ASH1L: variants seen among roughly 807,000 people sequenced by gnomAD.
ASH1L encodes ASH1 like histone lysine methyltransferase.
ASH1L carries 23 observed loss-of-function variants against 269.0 expected under a neutral mutation model. The ratio of observed to expected loss-of-function variants is 0.09; its 90% CI spans 0.06 to 0.12. ASH1L has a LOEUF of 0.12. Ranked by LOEUF, ASH1L falls within the 10% of genes least tolerant of loss-of-function variation. The probability of loss-of-function intolerance (pLI) is 1.00; values close to 1 mark genes in which losing one functional copy is unlikely to be tolerated. For synonymous variants in ASH1L, 1,187 were observed against 1,253.5 expected (o/e 0.95, Z 1.12); for missense variants, 2,912 against 3,567.8 (o/e 0.82, Z 4.68).
intron 5 of ASH1L, among the ~76,000 whole-genome samples, chr1:155,429,429 C>T (rs1163099569): frequency 6.6e-6 from 1 of 152,094 alleles, no homozygotes; most frequent in African/African-American, 2.4e-5. Flanking sequence ...TGTGCTACCA[C>T]AACTGGCTAA....
intron 24 of ASH1L, chr1:155,342,917 T>C (rs1025152104): frequency 1.9e-5 from 3 of 158,408 alleles, no homozygotes; most frequent in African/African-American, 7.2e-5. Flanking sequence ...TGAAGTTTCA[T>C]AGCTAGCCTT....
At chr1:155,483,489 C>T (rs1004005931) in intron 2 of ASH1L, among the ~76,000 whole-genome samples, 3 of 151,930 alleles carry the variant, frequency 2.0e-5, no homozygotes, top group African/African-American at 7.2e-5. Context: ...AATGAAAAGA[C>T]AAACAAACCA....
Position 155,361,518 on chromosome 1 carries a change from C to CAA in ASH1L, c.6687-1111_6687-1110dup, listed in dbSNP as rs1161207568. On this transcript the variant is annotated intron_variant, in intron 12 of 27. Coordinates refer to ENST00000392403, the MANE Select transcript of ASH1L (RefSeq NM_018489.3). ...GGTGACAGAGTGAGACTCCATCTCA[C>CAA]AAAAAAAAAAAAAAAAAAAAAAAAA... Among the ~76,000 whole-genome samples the CAA allele has an allele frequency of 2.5e-3, 90 of 36,404 alleles. 3 individuals are homozygous for CAA. The highest frequency in any genetic ancestry group is 7.0e-3 in the African/African-American group (54 of 7,680). 23.9% of individuals were successfully genotyped at this position (36,404 alleles called of 152,430 possible).
rs541830197 is a variant in ASH1L at position 155,336,168 on chromosome 1, A to G, written c.*1492T>C. 15 of 152,666 alleles carry G rather than the reference A, an allele frequency of 9.8e-5. No homozygotes were observed. Among genetic ancestry groups the G allele is most frequent in the East Asian group, 1.9e-4 (1 of 5,314 alleles). 9.5% of individuals were successfully genotyped at this position (152,666 alleles called of 1,614,324 possible). Reference sequence around the variant, plus strand: ...CAAGAATGACACAGAAAGGGGAAAAAGGAAAAAATATTTAATGGAATGGAA... The same window carrying G: ...CAAGAATGACACAGAAAGGGGAAAAGGGAAAAAATATTTAATGGAATGGAA... On this transcript the variant is annotated 3_prime_UTR_variant, in exon 28 of 28. Transcript: ENST00000392403.
intron 10 of ASH1L, among the ~76,000 whole-genome samples, chr1:155,374,081 C>A (rs1656216193): frequency 6.6e-6 from 1 of 152,156 alleles, no homozygotes; most frequent in Admixed American, 6.5e-5. Flanking sequence ...GTAATCCCAG[C>A]ACTTTGGGGG....
At chr1:155,359,094 T>C (rs1445515085) in intron 13 of ASH1L, among the ~76,000 whole-genome samples, 1 of 152,148 alleles carries the variant, frequency 6.6e-6, no homozygotes, top group Non-Finnish European at 1.5e-5. Context: ...CATTCTAGTG[T>C]GGGCCACAGA....
intron 16 of ASH1L, among the ~76,000 whole-genome samples, chr1:155,353,915 C>T (rs77148762): frequency 0.01 from 1,587 of 152,266 alleles, 32 homozygotes; most frequent in African/African-American, 0.036. Flanking sequence ...ACAAAGAGGG[C>T]CCACTATCTA....
intron 1 of ASH1L, among the ~76,000 whole-genome samples, chr1:155,533,421 G>A (rs1669824107): frequency 6.6e-6 from 1 of 151,872 alleles, no homozygotes; most frequent in African/African-American, 2.4e-5. Flanking sequence ...GCCTCCCAAA[G>A]ATCATCTTTA....
At chr1:155,357,212 G>T in intron 15 of ASH1L, 104 bp downstream of exon 15, 1 of 677,442 alleles carries the variant, frequency 1.5e-6, no homozygotes, top group Non-Finnish European at 2.3e-6. Context: ...TTTGGCTTAA[G>T]ACAAAAGAAA....
intron 7 of ASH1L, among the ~76,000 whole-genome samples, chr1:155,382,909 G>C (rs997960053): frequency 1.3e-5 from 2 of 152,034 alleles, no homozygotes; most frequent in Admixed American, 1.3e-4. Context: ...ATTTTTTGTA[G>C]ACAGGGTCTT....
chr1:155,415,629 A>T, intron 6 of ASH1L, 115 bp downstream of exon 6: 1 of 1,257,974 alleles, frequency 7.9e-7, no homozygotes, highest in African/African-American at 1.5e-5. Flanking sequence ...GAGTGCAAAA[A>T]CACAATCATC....
intron 5 of ASH1L, among the ~76,000 whole-genome samples, chr1:155,436,891 T>G (rs1016840234): frequency 6.6e-6 from 1 of 152,208 alleles, no homozygotes; most frequent in Non-Finnish European, 1.5e-5. Flanking sequence ...TTCATTCTTT[T>G]GCATGCAGAT....
chr1:155,486,855 TAA>T (rs869311765), intron 2 of ASH1L, among the ~76,000 whole-genome samples: 4 of 140,540 alleles, frequency 2.8e-5, no homozygotes, highest in Non-Finnish European at 3.1e-5. Context: ...TATTACAGTT[TAA>T]AAAAAAAAAA....
intron 5 of ASH1L, among the ~76,000 whole-genome samples, chr1:155,420,847 T>A (rs373414267): frequency 3.7e-5 from 5 of 136,702 alleles, no homozygotes; most frequent in Non-Finnish European, 7.8e-5. Context: ...AAGGCTCCAT[T>A]AAAAAAAAAA....
chr1:155,475,937 C>G (rs1440998024), intron 3 of ASH1L, among the ~76,000 whole-genome samples: 1 of 152,186 alleles, frequency 6.6e-6, no homozygotes, highest in Admixed American at 6.5e-5. Context: ...ACTATAATCT[C>G]CATGACTCAA....
At chr1:155,495,099 T>A (rs1202919960) in intron 2 of ASH1L, among the ~76,000 whole-genome samples, 1 of 152,150 alleles carries the variant, frequency 6.6e-6, no homozygotes, top group African/African-American at 2.4e-5. Context: ...AGTTCCTTTA[T>A]TAAGGAGCAA....
rs28516425 is a variant in ASH1L at position 155,433,248 on chromosome 1, G to C, written c.5828+5079C>G. 2.0e-3 allele frequency: 3,132 copies of C among 1,552,584 alleles called. 62 individuals carry two copies. In the African/African-American group the frequency reaches 0.037, roughly 18 times the overall value. ...CCAGGCGGTGGAGGTGATGGGCCAG[G>C]GGGGCCGGAGCCGGGCTGGGTTGAT... On this transcript the variant is annotated intron_variant, in intron 5 of 27. Coordinates refer to ENST00000392403, the MANE Select transcript of ASH1L (RefSeq NM_018489.3).
At chr1:155,445,851 G>A (rs1558114829) in intron 4 of ASH1L, among the ~76,000 whole-genome samples, 2 of 151,806 alleles carry the variant, frequency 1.3e-5, no homozygotes, top group Admixed American at 6.6e-5. Flanking sequence ...ATTTTAGTGA[G>A]TACATAGATT....
intron 21 of ASH1L, among the ~76,000 whole-genome samples, chr1:155,345,131 AT>A (rs1177304048): frequency 8.8e-6 from 1 of 113,450 alleles, no homozygotes; most frequent in African/African-American, 3.3e-5. Context: ...TAATTTTTGT[AT>A]TTTTAGTAGA....
Sources: gnomAD v4.1 joint callset for allele counts (sites outside exome capture counted in the v4.1 genomes callset) on GRCh38, gnomAD v4.1.1 for gene constraint, MANE v1.5 for transcripts, NCBI Gene and HGNC (gene_info 2026-07-23, HGNC 2026-07-21) for gene names.